Variants in IL15RA observed in about 807,000 individuals in gnomAD.
IL15RA encodes the protein interleukin 15 receptor subunit alpha, also known as interleukin-15 receptor subunit alpha.
Under a neutral mutation model 24.2 loss-of-function variants are expected in IL15RA, and 26 were observed. The observed-to-expected ratio is 1.07, with a 90% confidence interval of 0.79 to 1.49. The LOEUF is 1.49. IL15RA is among the 40% of genes most tolerant of loss of function. IL15RA has a pLI of 0.00. For synonymous variants in IL15RA, 166 were observed against 157.6 expected (o/e 1.05, Z -0.40); for missense variants, 354 against 356.4 (o/e 0.99, Z 0.05).
rs1834910879 is a variant in IL15RA, at chr10:5,958,444, G to A, written c.616+1310C>T. On this transcript the variant is annotated intron_variant, in intron 5 of 6. Coordinates refer to ENST00000379977, the MANE Select transcript of IL15RA (RefSeq NM_002189.4). The surrounding 1 kb of genome is among the most constrained non-coding windows in gnomAD (Gnocchi z 4.3). ...CCTGTTGCCCAGGCCAGAGTGCAGT[G>A]GTGTGATCACAGCTCACTGCAACCT... 3.1e-6 allele frequency: 1 copy of A among 324,856 alleles called. No individual in the cohort carries two copies. The highest frequency in any genetic ancestry group is 2.4e-5 in the South Asian group (1 of 42,288). 20.1% of individuals were successfully genotyped at this position (324,856 alleles called of 1,614,324 possible).
Position 5,975,652 on chromosome 10 carries a change from C to T in IL15RA, c.88+1753G>A, listed in dbSNP as rs1174451975. Among the ~76,000 whole-genome samples the T allele has an allele frequency of 6.6e-6, 1 of 151,992 alleles. No homozygotes were observed. Among genetic ancestry groups the T allele is most frequent in the African/African-American group, 2.4e-5 (1 of 41,376 alleles). On this transcript the variant is annotated intron_variant, in intron 1 of 6. Coordinates refer to ENST00000379977, the MANE Select transcript of IL15RA (RefSeq NM_002189.4). The surrounding 1 kb of genome is among the most constrained non-coding windows in gnomAD (Gnocchi z 4.8). ...CTGTAATCCCAGCACTTTGGAAGGCCGAGGCGGGCAGATCACAAGGTCAGG... is the reference window on the plus strand; with the variant it reads ...CTGTAATCCCAGCACTTTGGAAGGCTGAGGCGGGCAGATCACAAGGTCAGG...
Position 5,975,797 on chromosome 10 carries a change from GC to G in IL15RA, c.88+1607del, listed in dbSNP as rs1203606729. On this transcript the variant is annotated intron_variant, in intron 1 of 6. Transcript: ENST00000379977. The surrounding 1 kb of genome is among the most constrained non-coding windows in gnomAD (Gnocchi z 4.8). Reference sequence around the variant, plus strand: ...AATCCCAGCTACTCAGGAGGCTGAGGCAGCAGAATCGCTTGAACCCAGGAGG... The same window carrying G: ...AATCCCAGCTACTCAGGAGGCTGAGGAGCAGAATCGCTTGAACCCAGGAGG... Among the ~76,000 whole-genome samples, 1 of 152,180 alleles carries G rather than the reference GC, an allele frequency of 6.6e-6. No individual in the cohort carries two copies.
rs7087996 is a variant in IL15RA, at chr10:5,955,173, C to A, written c.692+1206G>T. 1.4e-4 allele frequency among the ~76,000 whole-genome samples: 21 copies of A among 150,582 alleles called. No individual in the cohort carries two copies. Among genetic ancestry groups the A allele is most frequent in the African/African-American group, 4.9e-4 (20 of 40,934 alleles). ...GGAGTGCAATGGTGTGATCTTGGCT[C>A]ACTGCAACCTCCGCCTCCCTGGTTC... On this transcript the variant is annotated intron_variant, in intron 6 of 6. Transcript: ENST00000379977. This position sits in a 1 kb window ranked among gnomAD's most constrained non-coding sequence, Gnocchi z 5.3.
At position 5,966,045 on chromosome 10, in the gene IL15RA, C is replaced by T. The variant is rs975420720; in HGVS notation, c.283+100G>A. ...CCCCACTGGTGTGTTTAGCCTCAGA[C>T]CTCAGCACAGATCCCTTGACCCCTG... On this transcript the variant is annotated intron_variant, in intron 2 of 6. Coordinates refer to ENST00000379977, the MANE Select transcript of IL15RA (RefSeq NM_002189.4). This position sits in a 1 kb window ranked among gnomAD's most constrained non-coding sequence, Gnocchi z 6.4. The T allele has an allele frequency of 2.1e-5, 18 of 851,920 alleles. No homozygotes were observed. Among genetic ancestry groups the T allele is most frequent in the Non-Finnish European group, 3.8e-6 (2 of 532,624 alleles). 52.8% of individuals were successfully genotyped at this position (851,920 alleles called of 1,614,324 possible). A position where few individuals can be genotyped will look rare whatever the true frequency, so the allele number is the denominator to read the frequency against.
In IL15RA at chr10:5,968,585, T is replaced by C; in HGVS notation, c.89-2246A>G. On this transcript the variant is annotated intron_variant, in intron 1 of 6. Transcript: ENST00000379977. This position sits in a 1 kb window ranked among gnomAD's most constrained non-coding sequence, Gnocchi z 5.4. ...AGGTGGATTTGGATGCTGCTGTTGC[T>C]ATGGTTACCTGCAGAGCCCCACTGG... 3.4e-6 allele frequency: 2 copies of C among 582,226 alleles called. No individual in the cohort carries two copies. The highest frequency in any genetic ancestry group is 6.1e-6 in the Non-Finnish European group (2 of 326,300). 36.1% of individuals were successfully genotyped at this position (582,226 alleles called of 1,614,324 possible).
rs1267487802 is a variant in IL15RA, at chr10:5,961,677, G to A, written c.383-1110C>T. 6.6e-6 allele frequency among the ~76,000 whole-genome samples: 1 copy of A among 152,240 alleles called. No homozygotes were observed. The highest frequency in any genetic ancestry group is 1.9e-4 in the East Asian group (1 of 5,198). On this transcript the variant is annotated intron_variant, in intron 3 of 6. Transcript: ENST00000379977. The surrounding 1 kb of genome is among the most constrained non-coding windows in gnomAD (Gnocchi z 5.2). ...GTTCAGCGTCTTCCCTGTCTTCCTT[G>A]TCCTTCCCTGGAAGGTGGCTGCCCC... is the stretch of plus-strand genomic sequence containing the variant.
chr10:5,963,808 G>A lies in IL15RA; in HGVS notation c.317C>T (p.Pro106Leu), dbSNP rs1836007280. The A allele has an allele frequency of 1.3e-6, 2 of 1,544,526 alleles. No individual in the cohort carries two copies. The highest frequency in any genetic ancestry group is 2.6e-5 in the South Asian group (2 of 78,368). The change falls in exon 3 of 7, where the codon CCA (proline) becomes CTA (leucine). Residue 106 changes from proline (P) to leucine (L), a missense_variant. Physicochemically the swap from Pro to Leu is moderately conservative, Grantham distance 98. Transcript: ENST00000379977. This position sits in a 1 kb window ranked among gnomAD's most constrained non-coding sequence, Gnocchi z 5.3. ...DPALVHQRPA[P>L]PSTVTTAGVT... ...CCCTGCCGTCGTTACTGTGGAGGGT[G>A]GCGCTGGCCTTTGGTGAACCAGGGC...
chr10:5,974,432 C>T (rs1838090961), intron 1 of IL15RA, among the ~76,000 whole-genome samples: 2 of 152,152 alleles, frequency 1.3e-5, no homozygotes, highest in Admixed American at 6.5e-5. Context: ...GGGGAGACCC[C>T]CTACATACCT....
In IL15RA at chr10:5,966,447, T is replaced by C; in HGVS notation, c.89-108A>G. 1 of 898,658 alleles carries C rather than the reference T, an allele frequency of 1.1e-6. No homozygotes were observed. Among genetic ancestry groups the C allele is most frequent in the Non-Finnish European group, 1.7e-6 (1 of 584,586 alleles). 55.7% of individuals were successfully genotyped at this position (898,658 alleles called of 1,614,324 possible). On this transcript the variant is annotated intron_variant, in intron 1 of 6. Coordinates refer to ENST00000379977, the MANE Select transcript of IL15RA (RefSeq NM_002189.4). The surrounding 1 kb of genome is among the most constrained non-coding windows in gnomAD (Gnocchi z 6.4). ...GTGTCCAGCTTATCCTAGGGGTGCC[T>C]CAGGACAAGCCCCAGGTGCCAGGCA...
At chr10:5,974,782 C>G (rs1173495577) in intron 1 of IL15RA, among the ~76,000 whole-genome samples, 4 of 152,068 alleles carry the variant, frequency 2.6e-5, no homozygotes, top group Non-Finnish European at 4.4e-5. Flanking sequence ...GAGGCTGAGG[C>G]AGGAGAATCG....
At chr10:5,951,143 A>AG (rs1554815498), downstream of IL15RA, among the ~76,000 whole-genome samples, 1 of 43,886 alleles carries the variant, frequency 2.3e-5, no homozygotes, top group Non-Finnish European at 5.0e-5. Context: ...CTCAGTCTCA[A>AG]AAAAAAAAAA....
chr10:5,969,660 G>T (rs8177667), intron 1 of IL15RA, among the ~76,000 whole-genome samples: 22,355 of 152,178 alleles, frequency 0.15, 1,927 homozygotes, highest in Middle Eastern at 0.23. Flanking sequence ...CACCCCGCCT[G>T]GCCTACTGAA....
At position 5,971,783 on chromosome 10, in the gene IL15RA, A is replaced by G. The variant is rs1210456793; in HGVS notation, c.89-5444T>C. The stretch of plus-strand genomic sequence containing the variant: ...CTTCCTTTTGGAGTTCCCAAAAAGT[A>G]CAGACTGTCTCCAGCTCACTGCCTG... On this transcript the variant is annotated intron_variant, in intron 1 of 6. Transcript: ENST00000379977. This position sits in a 1 kb window ranked among gnomAD's most constrained non-coding sequence, Gnocchi z 5.5. Among the ~76,000 whole-genome samples the G allele has an allele frequency of 6.6e-6, 1 of 152,230 alleles. No individual in the cohort carries two copies. Among genetic ancestry groups the G allele is most frequent in the Non-Finnish European group, 1.5e-5 (1 of 68,054 alleles).
Position 5,953,126 on chromosome 10 carries a change from T to A in IL15RA, c.773A>T (p.Glu258Val). Residue 258 changes from glutamate (E) to valine (V), a missense_variant, in exon 7 of 7, where the codon GAA (glutamate) becomes GTA (valine). Coordinates refer to ENST00000379977, the MANE Select transcript of IL15RA (RefSeq NM_002189.4). This position sits in a 1 kb window ranked among gnomAD's most constrained non-coding sequence, Gnocchi z 5.3. ...PVTWGTSSRD[E>V]DLENCSHHL ...GTGGTGAGAGCAGTTTTCCAAGTCT[T>A]CATCTCTGCTGCTGGTCCCCCAAGT... The A allele has an allele frequency of 6.2e-7, 1 of 1,614,170 alleles. No individual in the cohort carries two copies. The highest frequency in any genetic ancestry group is 8.5e-7 in the Non-Finnish European group (1 of 1,179,970).
chr10:5,977,700 C>G (rs142708375), upstream of IL15RA: 16 of 1,195,668 alleles, frequency 1.3e-5, no homozygotes, highest in East Asian at 5.1e-4. Flanking sequence ...GGAGCCCCGC[C>G]GGCCGCCGCG....
Position 5,959,749 on chromosome 10 carries a change from C to T in IL15RA, c.616+5G>A. The stretch of plus-strand genomic sequence containing the variant: ...TAAACATACCGGACAAAGGGACACA[C>T]TTACCAGTGGTGTCGCTGTGGCCCT... On this transcript the variant is annotated splice_donor_5th_base_variant and intron_variant, in intron 5 of 6. Transcript: ENST00000379977. This position sits in a 1 kb window ranked among gnomAD's most constrained non-coding sequence, Gnocchi z 4.1. The T allele has an allele frequency of 6.2e-7, 1 of 1,613,072 alleles. No individual in the cohort carries two copies. The highest frequency in any genetic ancestry group is 2.2e-5 in the East Asian group (1 of 44,872).
At chr10:5,949,413 T>C (rs1833717673), downstream of IL15RA, 3 of 469,212 alleles carry the variant, frequency 6.4e-6, no homozygotes, top group African/African-American at 4.0e-5. The surrounding 1 kb of genome is among the most constrained non-coding windows in gnomAD (Gnocchi z 4.4). Flanking sequence ...TATGCACACA[T>C]TGAGTTCTGA....
At position 5,974,420 on chromosome 10, in the gene IL15RA, A is replaced by G. The variant is rs774749421; in HGVS notation, c.88+2985T>C. On this transcript the variant is annotated intron_variant, in intron 1 of 6. Coordinates refer to ENST00000379977, the MANE Select transcript of IL15RA (RefSeq NM_002189.4). The stretch of plus-strand genomic sequence containing the variant: ...GTAGAAAAATGCAAATTAAAACTAC[A>G]AGGGGAGACCCCCTACATACCTAGT... 3.3e-5 allele frequency among the ~76,000 whole-genome samples: 5 copies of G among 152,338 alleles called. No individual in the cohort carries two copies. The East Asian group carries it at 5.8e-4, about 18-fold the overall frequency.
rs1284341605 is a variant in IL15RA, at chr10:5,965,284, G to A, written c.283+861C>T. Among the ~76,000 whole-genome samples, 1 of 152,146 alleles carries A rather than the reference G, an allele frequency of 6.6e-6. No individual in the cohort carries two copies. Among genetic ancestry groups the A allele is most frequent in the Non-Finnish European group, 1.5e-5 (1 of 68,028 alleles). On this transcript the variant is annotated intron_variant, in intron 2 of 6. Transcript: ENST00000379977. This position sits in a 1 kb window ranked among gnomAD's most constrained non-coding sequence, Gnocchi z 5.8. ...TCACCCCTGCTGGACACCATGCACA[G>A]GTGACTGAGCAAAGGGCAGCCCTGC... is the stretch of plus-strand genomic sequence containing the variant.
Sources: gnomAD v4.1 joint callset for allele counts (sites outside exome capture counted in the v4.1 genomes callset) on GRCh38, gnomAD v4.1.1 for gene constraint, Gnocchi (gnomAD v3.1) non-coding constraint, MANE v1.5 for transcripts, NCBI Gene and HGNC (gene_info 2026-07-23, HGNC 2026-07-21) for gene names.